Variants in SVOP observed in about 807,000 individuals in gnomAD.
SVOP encodes synaptic vesicle 2-related protein.
Under a neutral mutation model 69.1 loss-of-function variants are expected in SVOP, and 17 were observed. The ratio of observed to expected loss-of-function variants is 0.25; its 90% CI spans 0.17 to 0.37. The LOEUF (loss-of-function observed/expected upper bound fraction) is 0.37. SVOP is among the 10% of genes least tolerant of loss of function. SVOP has a pLI of 1.00. For synonymous variants in SVOP, 238 were observed against 238.6 expected (o/e 1.00, Z 0.02); for missense variants, 435 against 597.5 (o/e 0.73, Z 2.84).
At chr12:108,915,542 C>T (rs922886415) in intron 15 of SVOP, among the ~76,000 whole-genome samples, 1 of 152,170 alleles carries the variant, frequency 6.6e-6, no homozygotes, top group Non-Finnish European at 1.5e-5. Flanking sequence ...ACAGGGAAGA[C>T]CTGGGTTTGA....
At chr12:108,962,657 G>T (rs1264585585) in intron 5 of SVOP, among the ~76,000 whole-genome samples, 2 of 152,044 alleles carry the variant, frequency 1.3e-5, no homozygotes, top group African/African-American at 4.8e-5. Context: ...AACCACAGAG[G>T]GACACAATGC....
At chr12:108,988,280 C>T (rs2040177569) in intron 1 of SVOP, among the ~76,000 whole-genome samples, 1 of 152,068 alleles carries the variant, frequency 6.6e-6, no homozygotes, top group Non-Finnish European at 1.5e-5. Context: ...TTATTATCTG[C>T]TCTTTTGGTG....
chr12:108,972,555 G>GA (rs2040085551), intron 4 of SVOP, 79 bp from the exon 5 acceptor site: 13 of 1,387,614 alleles, frequency 9.4e-6, no homozygotes, highest in Middle Eastern at 2.0e-4. Context: ...CGGAAGTGGT[G>GA]ACGTCACCCT....
chr12:108,941,327 A>G (rs1443803929), intron 7 of SVOP, among the ~76,000 whole-genome samples: 1 of 152,024 alleles, frequency 6.6e-6, no homozygotes, highest in Admixed American at 6.6e-5. Flanking sequence ...GGCTCAAGCA[A>G]TCCTCCCACC....
At chr12:108,937,012 G>A (rs2039860519) in intron 10 of SVOP, 2 of 466,584 alleles carry the variant, frequency 4.3e-6, no homozygotes, top group South Asian at 2.3e-5. Flanking sequence ...CAGTAAGCTA[G>A]GAGAGCGCCA....
intron 1 of SVOP, among the ~76,000 whole-genome samples, chr12:109,017,402 G>A (rs2040373003): frequency 1.3e-5 from 2 of 150,786 alleles, no homozygotes; most frequent in Admixed American, 6.6e-5. Context: ...CAAGAAACCA[G>A]TCCCTGGAGC....
intron 5 of SVOP, among the ~76,000 whole-genome samples, chr12:108,965,694 A>G (rs991826505): frequency 1.7e-4 from 26 of 152,194 alleles, no homozygotes; most frequent in Admixed American, 8.5e-4. Context: ...CTTGTAGCCT[A>G]GAAAGCCTGG....
At chr12:108,952,876 C>G (rs2137416102) in intron 6 of SVOP, among the ~76,000 whole-genome samples, 1 of 152,188 alleles carries the variant, frequency 6.6e-6, no homozygotes, top group African/African-American at 2.4e-5. Flanking sequence ...ATAATAATAA[C>G]TATCTGACCT....
intron 1 of SVOP, among the ~76,000 whole-genome samples, chr12:109,005,871 C>T (rs1242770400): frequency 6.6e-6 from 1 of 152,118 alleles, no homozygotes; most frequent in Non-Finnish European, 1.5e-5. Flanking sequence ...GCTGGGATCA[C>T]ACAGAGCCCT....
At chr12:109,009,682 TG>T (rs2040330310) in intron 1 of SVOP, among the ~76,000 whole-genome samples, 1 of 152,194 alleles carries the variant, frequency 6.6e-6, no homozygotes, top group South Asian at 2.1e-4. Flanking sequence ...CCCAAACTGC[TG>T]GGCTTACAGG....
At chr12:108,934,653 C>G (rs1433911917) in intron 10 of SVOP, among the ~76,000 whole-genome samples, 1 of 152,154 alleles carries the variant, frequency 6.6e-6, no homozygotes, top group Non-Finnish European at 1.5e-5. Flanking sequence ...AAAGACCTTG[C>G]TGATAAAGCA....
intron 4 of SVOP, 26 bp downstream of exon 4, chr12:108,977,372 C>T (rs1239961042): frequency 6.5e-7 from 1 of 1,536,394 alleles, no homozygotes; most frequent in East Asian, 2.4e-5. Flanking sequence ...CTGTATGCAA[C>T]AGAAGGGAGC....
At chr12:108,978,720 A>C (rs2040120051) in intron 2 of SVOP, 57 bp from the exon 3 acceptor site, 1 of 694,618 alleles carries the variant, frequency 1.4e-6, no homozygotes, top group Non-Finnish European at 2.6e-6. Context: ...CAGTTGTCCT[A>C]GTGTGGGGTT....
chr12:109,001,005 A>G (rs1215703067), intron 1 of SVOP, among the ~76,000 whole-genome samples: 1 of 151,866 alleles, frequency 6.6e-6, no homozygotes, highest in African/African-American at 2.4e-5. Flanking sequence ...TCAATTAGGA[A>G]AAGAGGAAGT....
Position 108,912,598 on chromosome 12 carries a change from C to T in SVOP, c.1584G>A (p.Glu528=), listed in dbSNP as rs535655235. 17 of 1,613,936 alleles carry T rather than the reference C, an allele frequency of 1.1e-5. No individual in the cohort carries two copies. In the South Asian group the frequency reaches 1.9e-4, roughly 18 times the overall value. The change falls in exon 16 of 16, where the codon GAG becomes GAA. Residue 528 remains glutamate (E), a synonymous_variant. Coordinates refer to ENST00000610966, the MANE Select transcript of SVOP (RefSeq NM_018711.5). ...CACCGTGCATTCCTCGGCCGACCAT[C>T]TCCTGGCCCCACTCCCGGTGGCTGG... ...QESSHREWGQ[E]MVGRGMHGAG...
At chr12:108,987,130 C>G (rs1007451287) in intron 1 of SVOP, among the ~76,000 whole-genome samples, 7 of 152,200 alleles carry the variant, frequency 4.6e-5, no homozygotes, top group African/African-American at 1.7e-4. Context: ...CTGACGAGCA[C>G]CAATCTACTT....
In SVOP at chr12:108,982,305, CCAT is replaced by C. The variant is rs1464657354; in HGVS notation, c.196+1293_196+1295del. Among the ~76,000 whole-genome samples, 1,160 of 149,754 alleles carry C rather than the reference CCAT, an allele frequency of 7.7e-3. 27 individuals are homozygous for C. The highest frequency in any genetic ancestry group is 0.027 in the African/African-American group (1,109 of 40,522). ...ATCATCACCATCATCACCACCACCA[CCAT>C]CATTTTCATCATCATCACCATCATC... On this transcript the variant is annotated intron_variant, in intron 2 of 15. Transcript: ENST00000610966.
intron 1 of SVOP, among the ~76,000 whole-genome samples, chr12:109,015,881 G>A (rs1344869409): frequency 3.3e-5 from 5 of 152,154 alleles, no homozygotes; most frequent in Non-Finnish European, 7.3e-5. Flanking sequence ...GGGACAAATG[G>A]AGTTGTTATC....
chr12:109,003,177 A>G (rs1277419644), intron 1 of SVOP, among the ~76,000 whole-genome samples: 1 of 152,150 alleles, frequency 6.6e-6, no homozygotes, highest in Non-Finnish European at 1.5e-5. Flanking sequence ...GGAAGGACAC[A>G]TAAGAAGCCT....
Sources: gnomAD v4.1 joint callset for allele counts (sites outside exome capture counted in the v4.1 genomes callset) on GRCh38, gnomAD v4.1.1 for gene constraint, MANE v1.5 for transcripts, NCBI Gene and HGNC (gene_info 2026-07-23, HGNC 2026-07-21) for gene names.